Variants in ATP9A observed in about 807,000 individuals in gnomAD.
The protein encoded by ATP9A is probable phospholipid-transporting ATPase IIA.
Under a neutral mutation model 144.1 loss-of-function variants are expected in ATP9A, and 52 were observed. That is an observed-to-expected ratio of 0.36 (90% confidence interval 0.29 to 0.45). ATP9A has a LOEUF of 0.45. Ranked by LOEUF, ATP9A falls within the 20% of genes least tolerant of loss-of-function variation. ATP9A has a pLI of 1.00. For synonymous variants in ATP9A, 582 were observed against 557.4 expected, an observed-to-expected ratio of 1.04 and a Z score of -0.62; for missense variants, 947 against 1,392.7, an observed-to-expected ratio of 0.68 and a Z score of 5.09.
At chr20:51,658,395 T>C (rs1375449498) in intron 13 of ATP9A, among the ~76,000 whole-genome samples, 1 of 151,868 alleles carries the variant, frequency 6.6e-6, no homozygotes, top group African/African-American at 2.4e-5. Context: ...TTTCAATCCA[T>C]GCTCCACACT....
At chr20:51,624,899 G>A (rs565940515) in intron 18 of ATP9A, among the ~76,000 whole-genome samples, 16 of 151,856 alleles carry the variant, frequency 1.1e-4, no homozygotes, top group South Asian at 2.1e-4. Flanking sequence ...CAGCTACTAG[G>A]GAGGATGAGG....
chr20:51,636,093 CAAT>C (rs1160448377), intron 15 of ATP9A, among the ~76,000 whole-genome samples: 1 of 152,080 alleles, frequency 6.6e-6, no homozygotes, highest in Non-Finnish European at 1.5e-5. Context: ...AAATTAACAA[CAAT>C]AACTTATAAC....
chr20:51,659,889 G>C (rs1050672929), intron 13 of ATP9A, among the ~76,000 whole-genome samples: 2 of 152,180 alleles, frequency 1.3e-5, no homozygotes, highest in Non-Finnish European at 2.9e-5. Context: ...CTGGTGTCAG[G>C]AGCACACGAG....
intron 14 of ATP9A, among the ~76,000 whole-genome samples, chr20:51,655,975 T>C (rs1432488041): frequency 6.6e-6 from 1 of 152,130 alleles, no homozygotes; most frequent in Non-Finnish European, 1.5e-5. Context: ...GATGAGTGAA[T>C]ATGCATGGAT....
intron 15 of ATP9A, among the ~76,000 whole-genome samples, chr20:51,629,504 G>A (rs983205548): frequency 6.6e-6 from 1 of 152,116 alleles, no homozygotes; most frequent in Non-Finnish European, 1.5e-5. Flanking sequence ...TCTTTGCTCT[G>A]CAGGGCCCCT....
At chr20:51,635,728 T>C (rs1186156602) in intron 15 of ATP9A, among the ~76,000 whole-genome samples, 1 of 141,166 alleles carries the variant, frequency 7.1e-6, no homozygotes, top group East Asian at 2.1e-4. Context: ...CAGAGCAAGA[T>C]GGACGGAAGG....
At chr20:51,759,042 C>G (rs1368502477) in intron 1 of ATP9A, among the ~76,000 whole-genome samples, 1 of 152,228 alleles carries the variant, frequency 6.6e-6, no homozygotes, top group Non-Finnish European at 1.5e-5. Flanking sequence ...CTGGTCTCCA[C>G]GTGGGCAGAG....
intron 1 of ATP9A, among the ~76,000 whole-genome samples, chr20:51,738,088 G>T (rs1182371661): frequency 2.0e-5 from 3 of 150,920 alleles, no homozygotes; most frequent in Admixed American, 2.0e-4. Flanking sequence ...GAGTGCAGTG[G>T]TGTGATCTTG....
intron 14 of ATP9A, among the ~76,000 whole-genome samples, chr20:51,653,320 A>G (rs2077374883): frequency 6.6e-6 from 1 of 152,102 alleles, no homozygotes; most frequent in Non-Finnish European, 1.5e-5. Context: ...GCATTCCATG[A>G]AAGATTTATC....
chr20:51,726,879 T>C (rs919058214), intron 2 of ATP9A, among the ~76,000 whole-genome samples: 1 of 143,482 alleles, frequency 7.0e-6, no homozygotes, highest in Non-Finnish European at 1.5e-5. Context: ...GCGTCCAGAC[T>C]GTGTTATTTC....
intron 1 of ATP9A, among the ~76,000 whole-genome samples, chr20:51,758,477 G>A (rs2077865511): frequency 2.6e-5 from 4 of 152,156 alleles, no homozygotes; most frequent in Non-Finnish European, 5.9e-5. Context: ...TGAGAAGTAA[G>A]GGACAAAAGT....
chr20:51,761,483 C>G (rs915991434), intron 1 of ATP9A, among the ~76,000 whole-genome samples: 2 of 152,164 alleles, frequency 1.3e-5, no homozygotes, highest in Non-Finnish European at 2.9e-5. Flanking sequence ...CAACTTTGGC[C>G]GGGCGCCGTG....
intron 27 of ATP9A, among the ~76,000 whole-genome samples, 179 bp from the exon 28 acceptor site, chr20:51,601,526 C>T (rs2077143002): frequency 6.6e-6 from 1 of 152,218 alleles, no homozygotes; most frequent in Admixed American, 6.5e-5. Context: ...TGGCTAAGAG[C>T]ACACAGCGCC....
rs1323312248 is a variant in ATP9A, at chr20:51,600,234, T to C, written c.*977A>G. The C allele has an allele frequency of 6.6e-6, 1 of 152,222 alleles. No individual in the cohort carries two copies. Among genetic ancestry groups the C allele is most frequent in the Non-Finnish European group, 1.5e-5 (1 of 68,052 alleles). The allele number at this position is 152,222 out of a possible 1,614,324, so 9.4% of individuals were successfully genotyped here. A position where few individuals can be genotyped will look rare whatever the true frequency, so the allele number is the denominator to read the frequency against. ...CCTCCTAACAGGAAACAGGCTTCTA[T>C]GGAAGAGAAGAGTCCCAGCCCCCTG... On this transcript the variant is annotated 3_prime_UTR_variant, in exon 28 of 28. Coordinates refer to ENST00000338821, the MANE Select transcript of ATP9A (RefSeq NM_006045.3).
At chr20:51,682,575 A>ATTTTTTTTTT (rs2077504448) in intron 9 of ATP9A, among the ~76,000 whole-genome samples, 2 of 32,814 alleles carry the variant, frequency 6.1e-5, no homozygotes, top group African/African-American at 8.3e-5. Context: ...TTTTCACTGT[A>ATTTTTTTTTT]TCTTTTTTTT....
chr20:51,751,256 T>C (rs1483476811), intron 1 of ATP9A, among the ~76,000 whole-genome samples: 4 of 142,378 alleles, frequency 2.8e-5, no homozygotes, highest in African/African-American at 7.7e-5. Context: ...TTCTGGGTTT[T>C]TTTTGTTTTT....
chr20:51,658,351 G>A (rs1242542097), intron 13 of ATP9A, among the ~76,000 whole-genome samples: 1 of 151,914 alleles, frequency 6.6e-6, no homozygotes. Flanking sequence ...CTACTCGGGA[G>A]GCTGAGGCAG....
intron 4 of ATP9A, among the ~76,000 whole-genome samples, chr20:51,699,714 C>T (rs941419732): frequency 3.3e-5 from 5 of 152,012 alleles, no homozygotes; most frequent in Non-Finnish European, 4.4e-5. Context: ...ATGATCTCGG[C>T]TCACTGCAAC....
chr20:51,641,069 T>A (rs2426336), intron 14 of ATP9A, among the ~76,000 whole-genome samples: 69,598 of 151,244 alleles, frequency 0.46, 17,526 homozygotes, highest in East Asian at 0.8. Flanking sequence ...TAAAAAAAAA[T>A]TTTTTAATTA....
Sources: allele counts gnomAD v4.1 joint callset (sites outside exome capture counted in the v4.1 genomes callset), GRCh38; gene constraint gnomAD v4.1.1; transcripts MANE v1.5; gene names NCBI Gene and HGNC (gene_info 2026-07-23, HGNC 2026-07-21).